Variants in ABCC4 observed in about 807,000 individuals in gnomAD.
ABCC4 encodes the protein ATP-binding cassette sub-family C member 4.
Under a neutral mutation model 168.5 loss-of-function variants are expected in ABCC4, and 102 were observed. The observed-to-expected ratio is 0.61, with a 90% CI of 0.52 to 0.71. The LOEUF (loss-of-function observed/expected upper bound fraction) is 0.71. Among genes scored for constraint, ABCC4 ranks in the 30% least tolerant of loss-of-function variants. The pLI, the probability that ABCC4 is intolerant of heterozygous loss-of-function variation, is 0.00. For missense variants in ABCC4, 1,402 were observed against 1,605.8 expected (o/e 0.87, Z 2.17); for synonymous variants, 617 against 590.7 (o/e 1.04, Z -0.65).
intron 30 of ABCC4, among the ~76,000 whole-genome samples, chr13:95,021,952 T>C (rs2031110740): frequency 6.6e-6 from 1 of 152,222 alleles, no homozygotes; most frequent in African/African-American, 2.4e-5. Context: ...CTGTATTAAA[T>C]TGATAAGCGG....
At chr13:95,101,806 C>CTA (rs35622825) in intron 20 of ABCC4, among the ~76,000 whole-genome samples, 2 of 152,170 alleles carry the variant, frequency 1.3e-5, no homozygotes, top group Non-Finnish European at 2.9e-5. Context: ...AACTCATGTC[C>CTA]TAATACTTAT....
At position 95,239,636 on chromosome 13, in the gene ABCC4, C is replaced by T. The variant is rs538080442; in HGVS notation, c.307-4802G>A. ...ATGATAACTGTAATGAACAGCACAT[C>T]AGAACTGTTTAAATCCATGAGCTCA... On this transcript the variant is annotated intron_variant, in intron 3 of 30. Coordinates refer to ENST00000645237, the MANE Select transcript of ABCC4 (RefSeq NM_005845.5). Among the ~76,000 whole-genome samples, 11 of 152,222 alleles carry T rather than the reference C, an allele frequency of 7.2e-5. No homozygotes were observed. In the East Asian group the frequency reaches 1.9e-3, roughly 27 times the overall value.
chr13:95,083,507 C>T (rs1228875001), intron 20 of ABCC4, among the ~76,000 whole-genome samples: 1 of 151,118 alleles, frequency 6.6e-6, no homozygotes, highest in Non-Finnish European at 1.5e-5. Context: ...TAAACTTATC[C>T]ATTAGGTTTT....
At chr13:95,050,645 G>A (rs1175228623) in intron 27 of ABCC4, among the ~76,000 whole-genome samples, 1 of 152,160 alleles carries the variant, frequency 6.6e-6, no homozygotes, top group Non-Finnish European at 1.5e-5. Flanking sequence ...CCATAAAGAA[G>A]TAGTTCCCAG....
intron 25 of ABCC4, among the ~76,000 whole-genome samples, chr13:95,067,924 C>A (rs1426426878): frequency 1.3e-5 from 2 of 152,144 alleles, no homozygotes; most frequent in South Asian, 2.1e-4. Flanking sequence ...ATGAAAAATG[C>A]AGCCAGTGTT....
At chr13:95,154,810 T>C (rs2036804419) in intron 19 of ABCC4, among the ~76,000 whole-genome samples, 2 of 152,224 alleles carry the variant, frequency 1.3e-5, no homozygotes, top group Admixed American at 6.5e-5. Flanking sequence ...AGCCTATTAT[T>C]GTAGAGGTAA....
At chr13:95,171,012 G>A (rs931736971) in intron 13 of ABCC4, among the ~76,000 whole-genome samples, 3 of 151,798 alleles carry the variant, frequency 2.0e-5, no homozygotes, top group East Asian at 1.9e-4. Context: ...TTTCTTGGAC[G>A]GTTTCTTAGA....
intron 4 of ABCC4, among the ~76,000 whole-genome samples, chr13:95,223,949 C>G (rs945598367): frequency 1.7e-4 from 26 of 152,018 alleles, no homozygotes; most frequent in Non-Finnish European, 3.1e-4. Flanking sequence ...GACTGACTGT[C>G]CTATAAGACA....
At chr13:95,081,583 C>A (rs115201962) in intron 21 of ABCC4, among the ~76,000 whole-genome samples, 1 of 152,186 alleles carries the variant, frequency 6.6e-6, no homozygotes, top group Non-Finnish European at 1.5e-5. Flanking sequence ...CCACTGAAAA[C>A]CTTACAAGAC....
chr13:95,204,157 C>A (rs1016269917), intron 8 of ABCC4, among the ~76,000 whole-genome samples: 1 of 152,134 alleles, frequency 6.6e-6, no homozygotes, highest in Non-Finnish European at 1.5e-5. Context: ...AAAGTGGGAA[C>A]AGAGACGAGT....
chr13:95,206,879 A>AT, intron 7 of ABCC4, 98 bp from the exon 8 acceptor site: 1 of 1,412,742 alleles, frequency 7.1e-7, no homozygotes. Flanking sequence ...AGGTGGATGA[A>AT]TTGTTTGAAC....
At chr13:95,073,471 G>A in intron 23 of ABCC4, 167 bp from the exon 24 acceptor site, 3 of 455,302 alleles carry the variant, frequency 6.6e-6, no homozygotes, top group African/African-American at 2.0e-5. Flanking sequence ...AGATACAATG[G>A]GGAAAACAAC....
chr13:95,268,848 C>T (rs28495123), intron 1 of ABCC4, among the ~76,000 whole-genome samples: 2 of 151,936 alleles, frequency 1.3e-5, no homozygotes, highest in Admixed American at 6.6e-5. Flanking sequence ...GCCTGGGGCG[C>T]GGGTCCTGGC....
intron 27 of ABCC4, among the ~76,000 whole-genome samples, chr13:95,049,100 G>A (rs528588865): frequency 1.2e-3 from 188 of 152,248 alleles, no homozygotes; most frequent in Non-Finnish European, 1.9e-3. Flanking sequence ...CTGGGAGGCC[G>A]AGACAGGCAG....
chr13:95,163,564 T>C, intron 17 of ABCC4, 46 bp downstream of exon 17: 1 of 1,531,336 alleles, frequency 6.5e-7, no homozygotes, highest in Non-Finnish European at 9.0e-7. Flanking sequence ...GCGAGTCTTC[T>C]TACTGATTTT....
At chr13:95,259,701 T>A (rs2040481399) in intron 1 of ABCC4, among the ~76,000 whole-genome samples, 1 of 152,194 alleles carries the variant, frequency 6.6e-6, no homozygotes, top group South Asian at 2.1e-4. Flanking sequence ...CAGACAGAAG[T>A]TGCAAGACAA....
intron 19 of ABCC4, among the ~76,000 whole-genome samples, chr13:95,150,246 T>A (rs111305453): frequency 0.023 from 3,468 of 152,248 alleles, 63 homozygotes; most frequent in Non-Finnish European, 0.037. Flanking sequence ...TTATATGACA[T>A]GAGCCACCAT....
At chr13:95,215,909 C>T (rs1446878818) in intron 4 of ABCC4, among the ~76,000 whole-genome samples, 1 of 60,770 alleles carries the variant, frequency 1.6e-5, no homozygotes, top group Non-Finnish European at 4.1e-5. Context: ...AAAATCAACA[C>T]CAAAGAAACA....
At chr13:95,210,258 C>T (rs190751833) in intron 5 of ABCC4, among the ~76,000 whole-genome samples, 3 of 152,302 alleles carry the variant, frequency 2.0e-5, no homozygotes, top group Admixed American at 1.3e-4. Context: ...TAGCGAGAAT[C>T]GCTTGAGGCC....
Sources: gnomAD v4.1 joint callset for allele counts (sites outside exome capture counted in the v4.1 genomes callset) on GRCh38, gnomAD v4.1.1 for gene constraint, MANE v1.5 for transcripts, NCBI Gene and HGNC (gene_info 2026-07-23, HGNC 2026-07-21) for gene names.